Variants in GALNT3 observed in about 807,000 individuals in gnomAD.
GALNT3 encodes GalNAc transferase 3.
In GALNT3, 51 loss-of-function variants were observed where a neutral mutation model predicts 69.8. The observed-to-expected ratio is 0.73, with a 90% CI of 0.58 to 0.92. The LOEUF (loss-of-function observed/expected upper bound fraction) is 0.92, where lower values mean the gene tolerates loss of function less well. GALNT3 is among the 40% of genes least tolerant of loss of function. GALNT3 has a pLI of 0.00. For missense variants in GALNT3, 711 were observed against 760.0 expected (o/e 0.94, Z 0.76); for synonymous variants, 265 against 248.5 (o/e 1.07, Z -0.63).
intron 1 of GALNT3, among the ~76,000 whole-genome samples, chr2:165,791,495 TTG>T (rs1484994652): frequency 1.3e-5 from 2 of 152,162 alleles, no homozygotes; most frequent in Non-Finnish European, 2.9e-5. Context: ...TTAATAAAAC[TTG>T]TTTCATTTAT....
chr2:165,756,911 A>G, intron 7 of GALNT3, 136 bp downstream of exon 7: 2 of 661,246 alleles, frequency 3.0e-6, no homozygotes, highest in African/African-American at 1.8e-5. Flanking sequence ...ACTTGGATTC[A>G]TAAGTCATGT....
chr2:165,787,971 T>C (rs1683257895), intron 1 of GALNT3, among the ~76,000 whole-genome samples: 3 of 152,174 alleles, frequency 2.0e-5, no homozygotes, highest in East Asian at 1.9e-4. Context: ...CCAAATTAAA[T>C]AGACTAATTA....
chr2:165,780,646 T>TTTGTTG lies in GALNT3; in HGVS notation c.-108-9844_-108-9839dup, dbSNP rs534952025. ...CTGCAAATCAGGTTTGAGGGGTTTT[T>TTTGTTG]TTGTTGTTGTTGTTGTTGTTGTTGT... On this transcript the variant is annotated intron_variant, in intron 1 of 10. Coordinates refer to ENST00000392701, the MANE Select transcript of GALNT3 (RefSeq NM_004482.4). Among the ~76,000 whole-genome samples the TTTGTTG allele has an allele frequency of 1.4e-4, 14 of 101,768 alleles. No individual in the cohort carries two copies. In the East Asian group the frequency reaches 2.4e-3, roughly 17 times the overall value. 66.8% of individuals were successfully genotyped at this position (101,768 alleles called of 152,430 possible). A position where few individuals can be genotyped will look rare whatever the true frequency, so the allele number is the denominator to read the frequency against.
intron 1 of GALNT3, among the ~76,000 whole-genome samples, chr2:165,784,374 C>G (rs545839860): frequency 1.3e-5 from 2 of 152,046 alleles, no homozygotes; most frequent in African/African-American, 2.4e-5. Flanking sequence ...TGATAGGAGG[C>G]TAAAGGCAAT....
At chr2:165,751,816 A>G (rs1688362246) in intron 9 of GALNT3, among the ~76,000 whole-genome samples, 1 of 152,216 alleles carries the variant, frequency 6.6e-6, no homozygotes, top group Non-Finnish European at 1.5e-5. Flanking sequence ...AAGTAGAAGG[A>G]AACATGAAAA....
chr2:165,790,776 C>A (rs1423716641), intron 1 of GALNT3, among the ~76,000 whole-genome samples: 1 of 152,106 alleles, frequency 6.6e-6, no homozygotes, highest in East Asian at 1.9e-4. Flanking sequence ...TCAATGTAGT[C>A]TTTTTGTGGA....
intron 1 of GALNT3, among the ~76,000 whole-genome samples, chr2:165,782,912 T>C (rs1340682666): frequency 5.3e-5 from 8 of 152,194 alleles, no homozygotes. Context: ...TTTCCTATTA[T>C]ATAGATGAAG....
Position 165,759,418 on chromosome 2 carries a change from A to C in GALNT3, c.991T>G (p.Phe331Val). Residue 331 changes from phenylalanine (F) to valine (V), a missense_variant, in exon 5 of 11, where the codon TTT becomes GTT. Coordinates refer to ENST00000392701, the MANE Select transcript of GALNT3 (RefSeq NM_004482.4). Reference protein sequence around the residue: ...PYGSNHNRGNFDWSLSFGWES... With the variant: ...PYGSNHNRGNVDWSLSFGWES... ...CAGCCAAATGAAAGACTCCAGTCAA[A>C]ATTTCCACGGTTATGGTTACTTCCA... 6.2e-7 allele frequency: 1 copy of C among 1,614,102 alleles called. No homozygotes were observed. Among genetic ancestry groups the C allele is most frequent in the Non-Finnish European group, 8.5e-7 (1 of 1,180,006 alleles).
chr2:165,790,220 G>T (rs1484072643), intron 1 of GALNT3, among the ~76,000 whole-genome samples: 1 of 152,156 alleles, frequency 6.6e-6, no homozygotes, highest in East Asian at 1.9e-4. Flanking sequence ...TCTCTTTAGT[G>T]CCAAAAATAA....
chr2:165,783,938 A>C (rs1683166368), intron 1 of GALNT3, among the ~76,000 whole-genome samples: 1 of 152,174 alleles, frequency 6.6e-6, no homozygotes. Flanking sequence ...TATGTGCCTA[A>C]TTTGAAGCGA....
At chr2:165,787,094 C>T (rs934860170) in intron 1 of GALNT3, among the ~76,000 whole-genome samples, 3 of 152,178 alleles carry the variant, frequency 2.0e-5, no homozygotes, top group Admixed American at 6.5e-5. Flanking sequence ...CTAAATAGGA[C>T]TTTATTTCTT....
At chr2:165,765,078 GA>G in intron 2 of GALNT3, 22 bp from the exon 3 acceptor site, 1 of 1,602,000 alleles carries the variant, frequency 6.2e-7, no homozygotes, top group Non-Finnish European at 8.6e-7. Flanking sequence ...CAGAGAAGTA[GA>G]AAAACAATTA....
At chr2:165,753,175 C>G (rs1313168327) in intron 9 of GALNT3, among the ~76,000 whole-genome samples, 1 of 152,182 alleles carries the variant, frequency 6.6e-6, no homozygotes, top group Admixed American at 6.5e-5. Context: ...AGGAGATAAA[C>G]TGGCTCTTTT....
chr2:165,784,169 C>G (rs952638841), intron 1 of GALNT3, among the ~76,000 whole-genome samples: 1 of 152,172 alleles, frequency 6.6e-6, no homozygotes, highest in African/African-American at 2.4e-5. Context: ...GCCTACTAAA[C>G]ACACACTGGA....
chr2:165,770,840 G>T, intron 1 of GALNT3, 32 bp from the exon 2 acceptor site: 2 of 890,256 alleles, frequency 2.2e-6, no homozygotes, highest in Non-Finnish European at 3.4e-6. Context: ...GGTATTAGTA[G>T]CTATTCAGTC....
At chr2:165,762,394 C>T (rs1357853924) in intron 3 of GALNT3, among the ~76,000 whole-genome samples, 2 of 152,142 alleles carry the variant, frequency 1.3e-5, no homozygotes, top group Admixed American at 6.5e-5. Context: ...AGAAGACTGA[C>T]TACAAGAGTG....
chr2:165,756,083 A>G (rs540243064), intron 7 of GALNT3, among the ~76,000 whole-genome samples: 9 of 152,326 alleles, frequency 5.9e-5, no homozygotes, highest in Non-Finnish European at 1.2e-4. Flanking sequence ...AATCTAACTC[A>G]GTAGTGCTCT....
chr2:165,779,290 GC>G (rs1161223630), intron 1 of GALNT3, among the ~76,000 whole-genome samples: 1 of 152,062 alleles, frequency 6.6e-6, no homozygotes, highest in East Asian at 1.9e-4. Flanking sequence ...AATTTACAAG[GC>G]CCAGCTCCAT....
At chr2:165,769,487 CT>C (rs1688712257) in intron 2 of GALNT3, among the ~76,000 whole-genome samples, 1 of 150,672 alleles carries the variant, frequency 6.6e-6, no homozygotes, top group South Asian at 2.1e-4. Context: ...GGTGCAATGG[CT>C]CATGCCTGTA....
Sources: gnomAD v4.1 joint callset for allele counts (sites outside exome capture counted in the v4.1 genomes callset) on GRCh38, gnomAD v4.1.1 for gene constraint, MANE v1.5 for transcripts, NCBI Gene and HGNC (gene_info 2026-07-23, HGNC 2026-07-21) for gene names.